LONP2: variants seen among roughly 807,000 people sequenced by gnomAD.
LONP2 encodes the protein lon protease homolog 2, peroxisomal.
Under a neutral mutation model 85.6 loss-of-function variants are expected in LONP2, and 60 were observed. The observed-to-expected ratio is 0.70, with a 90% CI of 0.57 to 0.87. The LOEUF is 0.87. LONP2 is among the 40% of genes least tolerant of loss of function. LONP2 has a pLI of 0.00. For missense variants in LONP2, 860 were observed against 1,063.5 expected, an observed-to-expected ratio of 0.81 and a Z score of 2.66; for synonymous variants, 395 against 389.7, an observed-to-expected ratio of 1.01 and a Z score of -0.16.
intron 11 of LONP2, among the ~76,000 whole-genome samples, chr16:48,326,991 C>G (rs1959254532): frequency 6.6e-6 from 1 of 152,214 alleles, no homozygotes; most frequent in Admixed American, 6.5e-5. Flanking sequence ...ATAGGACTTC[C>G]CTCCATAATA....
intron 11 of LONP2, among the ~76,000 whole-genome samples, chr16:48,328,460 A>T (rs1959323041): frequency 1.3e-5 from 2 of 151,588 alleles, no homozygotes. Flanking sequence ...CGGGTGGATC[A>T]CGATATCAGG....
intron 9 of LONP2, among the ~76,000 whole-genome samples, chr16:48,298,861 G>A (rs1972736317): frequency 6.6e-6 from 1 of 151,576 alleles, no homozygotes; most frequent in Non-Finnish European, 1.5e-5. Flanking sequence ...TGAAAACGTT[G>A]GAAATTTTAA....
intron 9 of LONP2, among the ~76,000 whole-genome samples, chr16:48,299,001 G>A (rs915783489): frequency 1.3e-5 from 2 of 150,792 alleles, no homozygotes; most frequent in African/African-American, 4.9e-5. Context: ...AGCAATTCTC[G>A]TGCCTCAGCC....
downstream of LONP2, chr16:48,361,652 A>G (rs988558019): frequency 2.5e-6 from 4 of 1,613,074 alleles, no homozygotes; most frequent in South Asian, 1.1e-5. Flanking sequence ...TGCTGGTGTC[A>G]AAGACTAGAC....
intron 11 of LONP2, among the ~76,000 whole-genome samples, chr16:48,327,115 G>GGTTC (rs1425604622): frequency 4.6e-5 from 7 of 152,174 alleles, no homozygotes; most frequent in Admixed American, 3.3e-4. Context: ...GTGCATTGCT[G>GGTTC]GTTCTGCCCC....
At chr16:48,304,286 T>C (rs906450257) in intron 11 of LONP2, among the ~76,000 whole-genome samples, 3 of 152,256 alleles carry the variant, frequency 2.0e-5, no homozygotes, top group African/African-American at 7.2e-5. Flanking sequence ...TAATAATTTT[T>C]CACACATTTT....
chr16:48,252,177 C>T lies in LONP2; in HGVS notation c.280C>T (p.Pro94Ser). 1 of 1,610,758 alleles carries T rather than the reference C, an allele frequency of 6.2e-7. No individual in the cohort carries two copies. The highest frequency in any genetic ancestry group is 8.5e-7 in the Non-Finnish European group (1 of 1,177,730). ...CGTTCAGGTTGTGGGCAGTAACTGGCCCAAGCCCCACTACACTCTGTTGAT... is the reference window on the plus strand; with the variant it reads ...CGTTCAGGTTGTGGGCAGTAACTGGTCCAAGCCCCACTACACTCTGTTGAT... ...LAVQVVGSNWPKPHYTLLITG... is the reference protein window; with the variant it reads ...LAVQVVGSNWSKPHYTLLITG... Residue 94 changes from proline (P) to serine (S), a missense_variant, in exon 2 of 15, where the codon CCC becomes TCC. This residue lies in a region of LONP2 where 743 missense variants were observed against 917.3 expected (regional missense o/e 0.81). Coordinates refer to ENST00000285737, the MANE Select transcript of LONP2 (RefSeq NM_031490.5).
chr16:48,293,781 AAGACAG>A (rs1490706326), intron 8 of LONP2, among the ~76,000 whole-genome samples: 1 of 152,178 alleles, frequency 6.6e-6, no homozygotes, highest in Admixed American at 6.5e-5. Context: ...GGATTTTACA[AAGACAG>A]AGGGAAGGCT....
intron 11 of LONP2, among the ~76,000 whole-genome samples, chr16:48,314,912 T>C (rs1007479147): frequency 6.6e-6 from 1 of 152,250 alleles, no homozygotes; most frequent in South Asian, 2.1e-4. Flanking sequence ...TTGGATTTTC[T>C]GCATCTACCA....
At chr16:48,263,193 T>C (rs540814087) in intron 6 of LONP2, among the ~76,000 whole-genome samples, 66 of 152,194 alleles carry the variant, frequency 4.3e-4, no homozygotes, top group Non-Finnish European at 8.2e-4. Flanking sequence ...TTGGCTTTTT[T>C]CTTTTGGTGC....
intron 11 of LONP2, among the ~76,000 whole-genome samples, chr16:48,319,299 T>G (rs370049323): frequency 1.3e-5 from 2 of 151,964 alleles, no homozygotes; most frequent in African/African-American, 4.8e-5. Context: ...GAGAATCACT[T>G]GAGCCCAAGA....
In LONP2 at chr16:48,303,248, G is replaced by T; in HGVS notation, c.1738G>T (p.Ala580Ser). 6.2e-7 allele frequency: 1 copy of T among 1,614,168 alleles called. No homozygotes were observed. The highest frequency in any genetic ancestry group is 1.1e-5 in the South Asian group (1 of 91,080). Residue 580 changes from alanine (A) to serine (S), a missense_variant, in exon 11 of 15, where the codon GCA (alanine) becomes TCA (serine). Physicochemically the swap from Ala to Ser is moderately conservative, Grantham distance 99 (BLOSUM62 1). Around this residue, in one of 3 missense-constraint regions of LONP2, gnomAD observed 743 missense variants for 917.3 expected, o/e 0.81. Coordinates refer to ENST00000285737, the MANE Select transcript of LONP2 (RefSeq NM_031490.5). ...TTGCCGAGCTGTGGCCGTGAAGGTG[G>T]CAGAAGGACAGCATAAGGAAGCCAA... ...AICRAVAVKV[A>S]EGQHKEAKLD...
chr16:48,323,782 G>A (rs917023085), intron 11 of LONP2, among the ~76,000 whole-genome samples: 3 of 152,000 alleles, frequency 2.0e-5, no homozygotes, highest in Non-Finnish European at 4.4e-5. Context: ...TTTGGTAATC[G>A]TAAGGTTGTG....
In LONP2 at chr16:48,345,480, T is replaced by C. The variant is rs535591976; in HGVS notation, c.1939-2027T>C. On this transcript the variant is annotated intron_variant, in intron 12 of 14. Coordinates refer to ENST00000285737, the MANE Select transcript of LONP2 (RefSeq NM_031490.5). ...ATGTATGTCATTCAGGTATAGAGAA[T>C]TGATTTTATATTAGAAAAAACAAAC... 7 of 152,354 alleles carry C rather than the reference T, an allele frequency of 4.6e-5. No homozygotes were observed. The South Asian group carries it at 6.2e-4, about 14-fold the overall frequency. The allele number at this position is 152,354 out of a possible 1,614,324, so 9.4% of individuals were successfully genotyped here.
chr16:48,289,263 G>A (rs530975774), intron 8 of LONP2, among the ~76,000 whole-genome samples: 2 of 152,168 alleles, frequency 1.3e-5, no homozygotes, highest in African/African-American at 4.8e-5. Context: ...GACGACACGT[G>A]CCCAAGGTGG....
intron 8 of LONP2, among the ~76,000 whole-genome samples, chr16:48,279,096 A>T (rs1972272487): frequency 6.6e-6 from 1 of 152,102 alleles, no homozygotes; most frequent in South Asian, 2.1e-4. Context: ...ATATTTTAAA[A>T]TTTTACTTCT....
intron 12 of LONP2, chr16:48,343,696 A>G (rs1959884293): frequency 1.4e-5 from 2 of 143,094 alleles, no homozygotes; most frequent in African/African-American, 2.7e-5. Flanking sequence ...AACTCAGTCT[A>G]AAAAAAAAAA....
intron 12 of LONP2, chr16:48,344,858 G>C (rs1959915534): frequency 6.6e-6 from 1 of 152,338 alleles, no homozygotes; most frequent in Admixed American, 6.5e-5. Flanking sequence ...GGAGGCAGTT[G>C]CAGTGAGCCA....
intron 8 of LONP2, among the ~76,000 whole-genome samples, chr16:48,279,679 T>G (rs920724148): frequency 6.6e-6 from 1 of 152,222 alleles, no homozygotes; most frequent in African/African-American, 2.4e-5. Context: ...ATCTGGGATC[T>G]GACTGCTTCC....
Sources: allele counts gnomAD v4.1 joint callset (sites outside exome capture counted in the v4.1 genomes callset), GRCh38; gene constraint gnomAD v4.1.1; regional missense constraint gnomAD v4.1.1; transcripts MANE v1.5; gene names NCBI Gene and HGNC (gene_info 2026-07-23, HGNC 2026-07-21).